Variants in RBPJ observed in about 807,000 individuals in gnomAD.
RBPJ encodes the protein recombining binding protein suppressor of hairless.
RBPJ carries 9 observed loss-of-function variants against 67.8 expected under a neutral mutation model. The ratio of observed to expected loss-of-function variants is 0.13; its 90% CI spans 0.08 to 0.23. The LOEUF (loss-of-function observed/expected upper bound fraction) is 0.23. Ranked by LOEUF, RBPJ falls within the 10% of genes least tolerant of loss-of-function variation. The pLI is 1.00. For missense variants in RBPJ, 305 were observed against 595.6 expected (o/e 0.51, Z 5.08); for synonymous variants, 198 against 203.3 (o/e 0.97, Z 0.22).
intron 1 of RBPJ, among the ~76,000 whole-genome samples, chr4:26,296,322 G>A (rs1721873306): frequency 6.6e-6 from 1 of 152,114 alleles, no homozygotes; most frequent in Non-Finnish European, 1.5e-5. Context: ...GCATTAGGTA[G>A]CTGGGAGAAG....
chr4:26,409,275 T>TA (rs549952680), intron 3 of RBPJ, among the ~76,000 whole-genome samples: 112 of 152,046 alleles, frequency 7.4e-4, no homozygotes, highest in African/African-American at 2.5e-3. Context: ...TAGTTACTGT[T>TA]AAAAAATACG....
chr4:26,184,118 G>A (rs552608462), intron 1 of RBPJ, among the ~76,000 whole-genome samples: 28 of 150,868 alleles, frequency 1.9e-4, no homozygotes, highest in Admixed American at 1.7e-3. Flanking sequence ...GGAGGCCGAG[G>A]TTCCAGTGAG....
chr4:26,136,430 A>T, the RBPJ span, among the ~76,000 whole-genome samples: 2 of 152,064 alleles, frequency 1.3e-5, no homozygotes, highest in East Asian at 3.9e-4. Context: ...CAGCCTCCAC[A>T]TCTCCTGCCA....
At chr4:26,406,300 T>A (rs1310729548) in intron 3 of RBPJ, 30 bp downstream of exon 3, 1 of 1,412,904 alleles carries the variant, frequency 7.1e-7, no homozygotes, top group East Asian at 2.3e-5. Context: ...GGATAGTTAA[T>A]TGTAGTTACC....
chr4:26,236,810 A>T (rs924764067), intron 1 of RBPJ, among the ~76,000 whole-genome samples: 1 of 152,198 alleles, frequency 6.6e-6, no homozygotes, highest in Admixed American at 6.5e-5. Flanking sequence ...GAAACAACCC[A>T]TGTTAAGCCC....
intron 1 of RBPJ, among the ~76,000 whole-genome samples, chr4:26,218,189 G>C (rs1718780394): frequency 6.6e-6 from 1 of 152,166 alleles, no homozygotes. Flanking sequence ...CTATGCGAAG[G>C]CAATCAGGGT....
At chr4:26,144,020 G>T in the RBPJ span, among the ~76,000 whole-genome samples, 1 of 152,074 alleles carries the variant, frequency 6.6e-6, no homozygotes, top group Non-Finnish European at 1.5e-5. Context: ...CTAATGAAAA[G>T]ATAAACTTTA....
At chr4:26,134,278 C>A in the RBPJ span, among the ~76,000 whole-genome samples, 1 of 152,164 alleles carries the variant, frequency 6.6e-6, no homozygotes, top group East Asian at 1.9e-4. Context: ...TGGTCCTGGG[C>A]AAGTCTATCC....
the RBPJ span, among the ~76,000 whole-genome samples, chr4:26,111,649 C>G: frequency 6.6e-6 from 1 of 152,228 alleles, no homozygotes; most frequent in Non-Finnish European, 1.5e-5. Flanking sequence ...TCCCTGGCCT[C>G]TGGTCGCACA....
intron 1 of RBPJ, among the ~76,000 whole-genome samples, chr4:26,234,137 C>T (rs565409402): frequency 3.9e-5 from 6 of 152,132 alleles, no homozygotes. Flanking sequence ...AGAATGTTAA[C>T]CCAGAATGTT....
At chr4:26,267,490 T>G (rs1412752776) in intron 1 of RBPJ, among the ~76,000 whole-genome samples, 3 of 152,176 alleles carry the variant, frequency 2.0e-5, no homozygotes, top group Non-Finnish European at 4.4e-5. Flanking sequence ...TAAGTGTATC[T>G]TATTGCTGGA....
chr4:26,422,856 A>G (rs183090421), intron 5 of RBPJ, among the ~76,000 whole-genome samples: 1 of 152,308 alleles, frequency 6.6e-6, no homozygotes, highest in Admixed American at 6.5e-5. Flanking sequence ...TTTGATGCAT[A>G]TCCAATCAGT....
At chr4:26,236,375 C>T (rs1196958198) in intron 1 of RBPJ, among the ~76,000 whole-genome samples, 1 of 152,184 alleles carries the variant, frequency 6.6e-6, no homozygotes, top group African/African-American at 2.4e-5. Context: ...ATAGTCATCC[C>T]TATAGTTCAG....
intron 1 of RBPJ, among the ~76,000 whole-genome samples, chr4:26,373,915 C>CTTTTT (rs765161799): frequency 3.5e-5 from 4 of 113,286 alleles, no homozygotes; most frequent in Non-Finnish European, 3.5e-5. Flanking sequence ...TTATTTTTTA[C>CTTTTT]TTTTTTTTTT....
intron 1 of RBPJ, among the ~76,000 whole-genome samples, chr4:26,306,083 G>C (rs1447781374): frequency 1.3e-5 from 2 of 151,878 alleles, no homozygotes; most frequent in African/African-American, 2.4e-5. Flanking sequence ...CCGCACCTGG[G>C]CGAGTTCTTA....
intron 2 of RBPJ, among the ~76,000 whole-genome samples, chr4:26,390,317 G>C (rs528930703): frequency 6.6e-6 from 1 of 152,118 alleles, no homozygotes; most frequent in Admixed American, 6.5e-5. Flanking sequence ...TGAAACACTG[G>C]ATGTTTTTCC....
rs1734497065 is a variant in RBPJ, at chr4:26,415,562, A to G, written c.243A>G (p.Glu81=). The G allele has an allele frequency of 9.3e-6, 15 of 1,613,360 alleles. No homozygotes were observed. The highest frequency in any genetic ancestry group is 1.3e-5 in the Non-Finnish European group (15 of 1,179,532). ...AAATGGAACGCGATGGTTGTTCTGA[A>G]CAAGAGTCTCAACCGTGTGCATTTA... is the stretch of plus-strand genomic sequence containing the variant. ...KEQMERDGCS[E]QESQPCAFIG... Residue 81 remains glutamate, a synonymous_variant, in exon 4 of 11, where the codon GAA becomes GAG. Coordinates refer to ENST00000355476, the MANE Select transcript of RBPJ (RefSeq NM_015874.6).
At chr4:26,206,829 GA>G (rs1249993137) in intron 1 of RBPJ, among the ~76,000 whole-genome samples, 3 of 150,312 alleles carry the variant, frequency 2.0e-5, no homozygotes, top group Admixed American at 6.6e-5. Flanking sequence ...ATACAGCCAA[GA>G]AAACACTTTT....
intron 1 of RBPJ, among the ~76,000 whole-genome samples, chr4:26,323,998 G>C (rs1004731480): frequency 6.6e-6 from 1 of 152,128 alleles, no homozygotes; most frequent in Non-Finnish European, 1.5e-5. Context: ...ACTAAAAGTT[G>C]TTATTTTTGG....
Sources: allele counts gnomAD v4.1 joint callset (sites outside exome capture counted in the v4.1 genomes callset), GRCh38; gene constraint gnomAD v4.1.1; transcripts MANE v1.5; gene names NCBI Gene and HGNC (gene_info 2026-07-23, HGNC 2026-07-21).